The following PTPRO variants were observed in gnomAD, a reference collection of about 807,000 sequenced individuals.
PTPRO encodes the protein protein tyrosine phosphatase receptor type O.
Under a neutral mutation model 145.2 loss-of-function variants are expected in PTPRO, and 62 were observed. The ratio of observed to expected loss-of-function variants is 0.43; its 90% confidence interval spans 0.35 to 0.53. The LOEUF (loss-of-function observed/expected upper bound fraction) is 0.53. Among genes scored for constraint, PTPRO ranks in the 20% least tolerant of loss-of-function variants. PTPRO has a pLI of 0.01. For synonymous variants in PTPRO, 565 were observed against 514.7 expected (o/e 1.10, Z -1.32); for missense variants, 1,345 against 1,482.7 (o/e 0.91, Z 1.53).
chr12:15,389,798 CAGTT>C (rs1181691260), intron 1 of PTPRO, among the ~76,000 whole-genome samples: 1 of 152,146 alleles, frequency 6.6e-6, no homozygotes, highest in East Asian at 1.9e-4. Flanking sequence ...TTAACACAAT[CAGTT>C]AGTTACCCTG....
At chr12:15,559,289 C>A (rs1198144668) in intron 16 of PTPRO, among the ~76,000 whole-genome samples, 3 of 152,130 alleles carry the variant, frequency 2.0e-5, no homozygotes, top group Non-Finnish European at 4.4e-5. Flanking sequence ...GACAGTTTTG[C>A]CGACTCTAGC....
rs1334853140 is a variant in PTPRO, at chr12:15,508,553, C to A, written c.1268-18C>A. On this transcript the variant is annotated intron_variant, in intron 6 of 26. Coordinates refer to ENST00000281171, the MANE Select transcript of PTPRO (RefSeq NM_030667.3). ...TGTAACGTGCAGCCTCCCCTGTGTT[C>A]CAATTTGAAATGTGCAGGTCCTTCA... The A allele has an allele frequency of 1.9e-6, 3 of 1,612,686 alleles. No homozygotes were observed. The highest frequency in any genetic ancestry group is 2.5e-6 in the Non-Finnish European group (3 of 1,179,052).
At chr12:15,565,421 A>G in intron 17 of PTPRO, 172 bp from the exon 18 acceptor site, 1 of 511,920 alleles carries the variant, frequency 2.0e-6, no homozygotes, top group Admixed American at 3.4e-5. Context: ...TGAATCTGAA[A>G]TTATTATTAT....
Position 15,400,535 on chromosome 12 carries a change from T to C in PTPRO, c.75+77734T>C, listed in dbSNP as rs1367100443. 3.3e-5 allele frequency among the ~76,000 whole-genome samples: 5 copies of C among 152,170 alleles called. No homozygotes were observed. The East Asian group carries it at 9.6e-4, about 29-fold the overall frequency. On this transcript the variant is annotated intron_variant, in intron 1 of 26. Coordinates refer to ENST00000281171, the MANE Select transcript of PTPRO (RefSeq NM_030667.3). ...CCCACTGCCATCCTTACCTAGTTCA[T>C]TCCTACTCCACAAAAGCTACTCTCT...
At chr12:15,397,288 A>G (rs948779829) in intron 1 of PTPRO, among the ~76,000 whole-genome samples, 1 of 152,234 alleles carries the variant, frequency 6.6e-6, no homozygotes, top group Non-Finnish European at 1.5e-5. Context: ...TTAAGAAACA[A>G]CTATGTGCCT....
intron 8 of PTPRO, among the ~76,000 whole-genome samples, chr12:15,515,982 T>C (rs1312312911): frequency 7.5e-6 from 1 of 132,470 alleles, no homozygotes; most frequent in South Asian, 2.2e-4. Flanking sequence ...TCTGGTTTTT[T>C]TTTTGTTTTG....
At chr12:15,375,080 C>T (rs1220342556) in intron 1 of PTPRO, among the ~76,000 whole-genome samples, 1 of 152,190 alleles carries the variant, frequency 6.6e-6, no homozygotes, top group Non-Finnish European at 1.5e-5. Flanking sequence ...CACTAGCTGA[C>T]CACTTAGCTA....
At chr12:15,499,087 C>A (rs1368129779) in intron 3 of PTPRO, among the ~76,000 whole-genome samples, 4 of 152,068 alleles carry the variant, frequency 2.6e-5, no homozygotes, top group Non-Finnish European at 4.4e-5. Context: ...CATAAGGTGG[C>A]AAAATACCTT....
chr12:15,368,145 C>T (rs1175472783), intron 1 of PTPRO, among the ~76,000 whole-genome samples: 1 of 152,174 alleles, frequency 6.6e-6, no homozygotes, highest in Non-Finnish European at 1.5e-5. Flanking sequence ...CTACTTAACA[C>T]CTGGTTCACT....
chr12:15,376,785 C>T (rs1200754770), intron 1 of PTPRO, among the ~76,000 whole-genome samples: 2 of 152,042 alleles, frequency 1.3e-5, no homozygotes, highest in Non-Finnish European at 2.9e-5. Flanking sequence ...GGCATTAATA[C>T]CATTAATGTG....
At chr12:15,506,890 A>T (rs1289226707) in intron 6 of PTPRO, among the ~76,000 whole-genome samples, 1 of 152,176 alleles carries the variant, frequency 6.6e-6, no homozygotes, top group African/African-American at 2.4e-5. Flanking sequence ...TCATTTGTCC[A>T]AAGTTGCACC....
intron 23 of PTPRO, among the ~76,000 whole-genome samples, chr12:15,583,751 G>A (rs374008401): frequency 1.3e-5 from 2 of 152,138 alleles, no homozygotes; most frequent in African/African-American, 4.8e-5. Context: ...AATAGGCAAT[G>A]GAAACAAAGA....
rs1409666650 is a variant in PTPRO at position 15,322,673 on chromosome 12, C to T, written c.-54C>T. On this transcript the variant is annotated 5_prime_UTR_variant, in exon 1 of 27. Transcript: ENST00000281171. This position sits in a 1 kb window ranked among gnomAD's most constrained non-coding sequence, Gnocchi z 6.3. ...GCCCCAGTTCGCCATTGTGAGCCGC[C>T]GCCGGGGGAGTCCGCTAGCGCAGCC... 2.0e-6 allele frequency: 3 copies of T among 1,504,520 alleles called. No homozygotes were observed. The highest frequency in any genetic ancestry group is 2.7e-6 in the Non-Finnish European group (3 of 1,098,876). 93.2% of individuals were successfully genotyped at this position (1,504,520 alleles called of 1,614,324 possible).
chr12:15,470,533 G>A (rs1266667988), intron 1 of PTPRO, among the ~76,000 whole-genome samples: 1 of 152,130 alleles, frequency 6.6e-6, no homozygotes, highest in Admixed American at 6.6e-5. Context: ...AAAACTGGCA[G>A]GTTGAATTCT....
At chr12:15,330,392 G>T (rs147737987) in intron 1 of PTPRO, among the ~76,000 whole-genome samples, 1 of 152,112 alleles carries the variant, frequency 6.6e-6, no homozygotes, top group Non-Finnish European at 1.5e-5. Flanking sequence ...GAAGAGTAGC[G>T]GTCTCAAGAT....
chr12:15,529,707 T>G (rs1437585564), intron 12 of PTPRO, among the ~76,000 whole-genome samples: 2 of 152,164 alleles, frequency 1.3e-5, no homozygotes, highest in Non-Finnish European at 2.9e-5. Context: ...TTTATAAGCC[T>G]TGTGGTAACC....
chr12:15,526,049 G>A (rs1486620880), intron 11 of PTPRO, 93 bp from the exon 12 acceptor site: 15 of 1,446,932 alleles, frequency 1.0e-5, no homozygotes, highest in South Asian at 2.3e-5. Context: ...AGAACAGAGA[G>A]GGAATGTGTC....
At chr12:15,516,669 G>C (rs1942605833) in intron 8 of PTPRO, 94 bp from the exon 9 acceptor site, 1 of 1,106,104 alleles carries the variant, frequency 9.0e-7, no homozygotes, top group Admixed American at 1.7e-5. Context: ...GTATCAGAGA[G>C]TGAAAACTCG....
chr12:15,392,611 C>T (rs769801051), intron 1 of PTPRO, among the ~76,000 whole-genome samples: 2 of 149,008 alleles, frequency 1.3e-5, no homozygotes, highest in Non-Finnish European at 3.0e-5. Context: ...ATCCCAGCTA[C>T]TTGGGAGGCT....
Sources: gnomAD v4.1 joint callset for allele counts (sites outside exome capture counted in the v4.1 genomes callset) on GRCh38, gnomAD v4.1.1 for gene constraint, Gnocchi (gnomAD v3.1) non-coding constraint, MANE v1.5 for transcripts, NCBI Gene and HGNC (gene_info 2026-07-23, HGNC 2026-07-21) for gene names.